The following ADSL variants were observed in gnomAD, a reference collection of about 807,000 sequenced individuals.
ADSL encodes adenylosuccinase.
ADSL carries 44 observed loss-of-function variants against 62.1 expected under a neutral mutation model. The ratio of observed to expected loss-of-function variants is 0.71; its 90% confidence interval spans 0.56 to 0.91. ADSL has a LOEUF of 0.91. Among genes scored for constraint, ADSL ranks in the 40% least tolerant of loss-of-function variants. The pLI is 0.00. For synonymous variants in ADSL, 198 were observed against 220.5 expected (o/e 0.90, Z 0.90); for missense variants, 531 against 627.4 (o/e 0.85, Z 1.64).
At chr22:40,360,533 G>A (rs1189155689) in intron 7 of ADSL, 41 bp downstream of exon 7, 1 of 1,425,852 alleles carries the variant, frequency 7.0e-7, no homozygotes, top group Non-Finnish European at 9.9e-7. Context: ...AGGAGCTTTG[G>A]GCACCACAGA....
intron 9 of ADSL, among the ~76,000 whole-genome samples, chr22:40,362,519 C>T (rs953347152): frequency 4.6e-5 from 7 of 152,162 alleles, no homozygotes; most frequent in Non-Finnish European, 8.8e-5. Context: ...AGTCTGAGGC[C>T]ACATTGGTGC....
At chr22:40,374,098 G>A (rs920560195), downstream of ADSL, among the ~76,000 whole-genome samples, 2 of 151,848 alleles carry the variant, frequency 1.3e-5, no homozygotes, top group Middle Eastern at 3.2e-3. Flanking sequence ...GACTACAGGC[G>A]CCTGCCACCA....
chr22:40,371,683 T>A (rs2045512757), downstream of ADSL, among the ~76,000 whole-genome samples: 1 of 152,144 alleles, frequency 6.6e-6, no homozygotes. Context: ...TAATTTGTAA[T>A]TCTTCTTTTC....
chr22:40,358,422 A>G (rs1024921457), intron 4 of ADSL, among the ~76,000 whole-genome samples: 3 of 152,090 alleles, frequency 2.0e-5, no homozygotes, highest in Non-Finnish European at 2.9e-5. Flanking sequence ...CGTCACTACA[A>G]AAAATTTAAA....
chr22:40,382,046 C>T lies in ADSL; in HGVS notation c.90-8184C>T, dbSNP rs537028566. Among the ~76,000 whole-genome samples, 349 of 152,220 alleles carry T rather than the reference C, an allele frequency of 2.3e-3. 1 individual carries two copies. The highest frequency in any genetic ancestry group is 3.1e-3 in the Non-Finnish European group (214 of 68,002). On this transcript the variant is annotated intron_variant, in intron 2 of 2. Transcript: ENST00000498234. ...CACAGAGACAGGATTTTGTTTTGTT[C>T]ACTGTCCTGTCTAGGATCTAGCCTA... is the stretch of plus-strand genomic sequence containing the variant.
downstream of ADSL, chr22:40,373,614 TG>T (rs1208341068): frequency 6.6e-6 from 1 of 152,186 alleles, no homozygotes; most frequent in Non-Finnish European, 1.5e-5. Context: ...TTGTGTTTTT[TG>T]TTTTTGTTTT....
In ADSL at chr22:40,366,468, CCT is replaced by C. The variant is rs1235815398; in HGVS notation, c.1402_1403del (p.Leu468ValfsTer5). 2 of 1,613,460 alleles carry C rather than the reference CCT, an allele frequency of 1.2e-6. No homozygotes were observed. The highest frequency in any genetic ancestry group is 1.1e-5 in the South Asian group (1 of 91,066). On this transcript the variant is annotated frameshift_variant, in exon 13 of 13. Transcript: ENST00000623063. LOFTEE classifies it high-confidence loss of function. The part of the protein sequence containing the change: ...QRFLEEEVYP[L>X]LKPYESVMKV... ...GATTCTTAGAAGAGGAGGTGTATCCCCTGTTAAAACCATATGAAAGCGTGATG... is the reference window on the plus strand; with the variant it reads ...GATTCTTAGAAGAGGAGGTGTATCCCGTTAAAACCATATGAAAGCGTGATG...
intron 2 of ADSL, among the ~76,000 whole-genome samples, chr22:40,380,244 A>G (rs2047337493): frequency 6.6e-6 from 1 of 152,144 alleles, no homozygotes; most frequent in South Asian, 2.1e-4. Context: ...TGTGTGTGTG[A>G]TTAAGTAATT....
intron 3 of ADSL, chr22:40,354,047 G>A: frequency 1.6e-6 from 1 of 620,890 alleles, no homozygotes; most frequent in African/African-American, 1.8e-5. Flanking sequence ...TGACATTTTA[G>A]GTAGTCAACT....
chr22:40,360,183 A>C (rs954082578), intron 6 of ADSL, among the ~76,000 whole-genome samples: 24 of 152,206 alleles, frequency 1.6e-4, no homozygotes, highest in African/African-American at 4.3e-4. Context: ...AATAAGACCA[A>C]GCTTTTCTTT....
chr22:40,381,141 C>CT (rs917042615), intron 2 of ADSL, among the ~76,000 whole-genome samples: 19 of 150,892 alleles, frequency 1.3e-4, no homozygotes, highest in African/African-American at 3.4e-4. Context: ...ACACGCTTTT[C>CT]TTTTTTTTTC....
At position 40,349,891 on chromosome 22, in the gene ADSL, C is replaced by T. The variant is rs562234311; in HGVS notation, c.213C>T (p.Asn71=). The change falls in exon 2 of 13, where the codon AAC becomes AAT. Residue 71 remains asparagine, a synonymous_variant. Coordinates refer to ENST00000623063, the MANE Select transcript of ADSL (RefSeq NM_000026.4). ...AGGAGATGAAATCAAACCTGGAGAACATCGACTTCAAGATGGCAGCTGAGG... is the reference window on the plus strand; with the variant it reads ...AGGAGATGAAATCAAACCTGGAGAATATCGACTTCAAGATGGCAGCTGAGG... ...QIQEMKSNLE[N]IDFKMAAEEE... is the part of the protein sequence containing the mutation. 6.2e-7 allele frequency: 1 copy of T among 1,614,116 alleles called. No homozygotes were observed. Among genetic ancestry groups the T allele is most frequent in the Non-Finnish European group, 8.5e-7 (1 of 1,180,034 alleles).
chr22:40,364,076 CAAAAAAAAAAG>C (rs1169390601), intron 10 of ADSL, among the ~76,000 whole-genome samples, 189 bp from the exon 11 acceptor site: 3 of 117,666 alleles, frequency 2.5e-5, no homozygotes, highest in African/African-American at 9.8e-5. Context: ...GACTCTGTCT[CAAAAAAAAAAG>C]AAAAAAAAAA....
chr22:40,350,871 T>G (rs1207574711), intron 2 of ADSL, among the ~76,000 whole-genome samples: 1 of 152,150 alleles, frequency 6.6e-6, no homozygotes, highest in African/African-American at 2.4e-5. Context: ...TCTGCCCACC[T>G]TGGCCTCCCA....
At position 40,367,977 on chromosome 22, in the gene ADSL, C is replaced by T. The variant is rs542706880; in HGVS notation, c.*1455C>T. ...TGCCCAAAAAGCCACCAGAGGCTTA[C>T]TGCTCCGCACTCTTGGCATTACATT... On this transcript the variant is annotated 3_prime_UTR_variant, in exon 13 of 13. Transcript: ENST00000623063. The T allele has an allele frequency of 4.6e-5, 7 of 152,366 alleles. No homozygotes were observed. Among genetic ancestry groups the T allele is most frequent in the African/African-American group, 1.7e-4 (7 of 41,580 alleles). 9.4% of individuals were successfully genotyped at this position (152,366 alleles called of 1,614,324 possible).
At position 40,368,538 on chromosome 22, in the gene ADSL, T is replaced by C. The variant is rs575222704; in HGVS notation, c.*2016T>C. On this transcript the variant is annotated 3_prime_UTR_variant, in exon 13 of 13. Coordinates refer to ENST00000623063, the MANE Select transcript of ADSL (RefSeq NM_000026.4). ...ATAGAAGACAATTCTGAAAACCAAA[T>C]TCTGAACATAGGCTAGTATAGCAAG... 1 of 152,196 alleles carries C rather than the reference T, an allele frequency of 6.6e-6. No individual in the cohort carries two copies. Among genetic ancestry groups the C allele is most frequent in the Non-Finnish European group, 1.5e-5 (1 of 68,020 alleles). The allele number at this position is 152,196 out of a possible 1,614,324, so 9.4% of individuals were successfully genotyped here.
intron 2 of ADSL, chr22:40,387,328 T>C (rs1220076100): frequency 2.3e-5 from 9 of 397,362 alleles, no homozygotes; most frequent in South Asian, 1.3e-4. Context: ...GGTAATGTTA[T>C]GTAGGTATGT....
At chr22:40,362,060 A>G (rs1476404086) in intron 9 of ADSL, among the ~76,000 whole-genome samples, 1 of 152,224 alleles carries the variant, frequency 6.6e-6, no homozygotes, top group Non-Finnish European at 1.5e-5. Context: ...TAGCCAGTTT[A>G]TGAAAGGTCT....
intron 9 of ADSL, among the ~76,000 whole-genome samples, chr22:40,362,048 G>A (rs889289941): frequency 1.3e-5 from 2 of 152,126 alleles, no homozygotes; most frequent in African/African-American, 4.8e-5. Context: ...CATGGTCACA[G>A]ATAGCCAGTT....
Sources: allele counts gnomAD v4.1 joint callset (sites outside exome capture counted in the v4.1 genomes callset), GRCh38; gene constraint gnomAD v4.1.1; transcripts MANE v1.5; gene names NCBI Gene and HGNC (gene_info 2026-07-23, HGNC 2026-07-21).